The following ECM2 variants were observed in gnomAD, a reference collection of about 807,000 sequenced individuals.
The protein encoded by ECM2 is extracellular matrix protein 2, also known as extracellular matrix protein 2, female organ and adipocyte specific.
ECM2 carries 57 observed loss-of-function variants against 67.5 expected under a neutral mutation model. The ratio of observed to expected loss-of-function variants is 0.84; its 90% CI spans 0.68 to 1.05. ECM2 has a LOEUF of 1.05. ECM2 is among the 50% of genes least tolerant of loss of function. The pLI, the probability that ECM2 is intolerant of heterozygous loss-of-function variation, is 0.00. For missense variants in ECM2, 741 were observed against 822.8 expected (o/e 0.90, Z 1.22); for synonymous variants, 258 against 294.5 (o/e 0.88, Z 1.27).
chr9:92,528,403 G>T (rs545928815), intron 1 of ECM2, among the ~76,000 whole-genome samples: 41 of 152,318 alleles, frequency 2.7e-4, no homozygotes, highest in African/African-American at 9.4e-4. Flanking sequence ...TCCTAGGGCA[G>T]AGTACAGAGA....
chr9:92,502,772 C>T (rs545209741), intron 7 of ECM2, 120 bp from the exon 8 acceptor site: 7 of 787,976 alleles, frequency 8.9e-6, no homozygotes, highest in East Asian at 3.3e-5. Context: ...AGTCTTACTG[C>T]TCTTTCAAGT....
intron 5 of ECM2, among the ~76,000 whole-genome samples, chr9:92,511,728 T>C (rs1226399493): frequency 6.6e-6 from 1 of 152,218 alleles, no homozygotes; most frequent in Non-Finnish European, 1.5e-5. Context: ...GATTTTAGCA[T>C]GTTTTCAGTT....
chr9:92,550,753 T>G, the ECM2 span, among the ~76,000 whole-genome samples: 1 of 152,250 alleles, frequency 6.6e-6, no homozygotes, highest in East Asian at 1.9e-4. Context: ...TATGTTTGAT[T>G]CTCTTATCTT....
chr9:92,530,553 C>T (rs1848683796), intron 1 of ECM2, among the ~76,000 whole-genome samples: 1 of 151,918 alleles, frequency 6.6e-6, no homozygotes. Flanking sequence ...AATAATTTGC[C>T]TTGTTTGTCC....
chr9:92,516,150 G>A (rs1051741788), intron 3 of ECM2, among the ~76,000 whole-genome samples: 23 of 150,276 alleles, frequency 1.5e-4, no homozygotes, highest in African/African-American at 5.4e-4. Context: ...TGCACCCTCC[G>A]CCTCCCGGGT....
At chr9:92,501,343 C>T (rs1485501853) in intron 8 of ECM2, among the ~76,000 whole-genome samples, 1 of 152,110 alleles carries the variant, frequency 6.6e-6, no homozygotes, top group Admixed American at 6.5e-5. Flanking sequence ...TACTGAGGCC[C>T]AAAGACTAAA....
At chr9:92,550,380 A>G in the ECM2 span, among the ~76,000 whole-genome samples, 1 of 137,832 alleles carries the variant, frequency 7.3e-6, no homozygotes, top group Non-Finnish European at 1.5e-5. Context: ...TGGGTGACAG[A>G]GTGAGACTCT....
chr9:92,512,135 C>CA lies in ECM2; in HGVS notation c.1055-10dup. On this transcript the variant is annotated splice_polypyrimidine_tract_variant and intron_variant, in intron 4 of 9. Transcript: ENST00000344604. ...GGAGGCGATGGAATTGCCTAGGACACACAGCGGTTATGTTTTAGGCATGTG... is the reference window on the plus strand; with the variant it reads ...GGAGGCGATGGAATTGCCTAGGACACAACAGCGGTTATGTTTTAGGCATGTG... The CA allele has an allele frequency of 6.2e-7, 1 of 1,603,642 alleles. No individual in the cohort carries two copies. Among genetic ancestry groups the CA allele is most frequent in the Non-Finnish European group, 8.5e-7 (1 of 1,171,060 alleles).
At chr9:92,547,031 C>A in the ECM2 span, among the ~76,000 whole-genome samples, 1 of 151,930 alleles carries the variant, frequency 6.6e-6, no homozygotes. Context: ...TTTTAAAATA[C>A]GTATATATTA....
Position 92,505,573 on chromosome 9 carries a change from T to C in ECM2, c.1424A>G (p.Lys475Arg). The C allele has an allele frequency of 6.2e-7, 1 of 1,607,728 alleles. No homozygotes were observed. Among genetic ancestry groups the C allele is most frequent in the Non-Finnish European group, 8.5e-7 (1 of 1,178,546 alleles). Residue 475 changes from lysine (K) to arginine (R), a missense_variant, in exon 7 of 10, where the codon AAA (lysine) becomes AGA (arginine). By Grantham distance (26) the Lys-to-Arg change is conservative (BLOSUM62 2). Coordinates refer to ENST00000344604, the MANE Select transcript of ECM2 (RefSeq NM_001393.4). ...SLAYLRLGKN[K>R]FRIIPQGLPG... ...AAGACCCTGCGGTATAATTCTAAAT[T>C]TATTTTTTCCCAGACGCAAGTAGGC...
chr9:92,531,999 TC>T, intron 1 of ECM2, among the ~76,000 whole-genome samples: 1 of 149,706 alleles, frequency 6.7e-6, no homozygotes, highest in East Asian at 1.9e-4. Flanking sequence ...CTTTTCTTTT[TC>T]TTTTTTTATT....
chr9:92,531,616 A>T (rs982343643), intron 1 of ECM2, among the ~76,000 whole-genome samples: 1 of 152,182 alleles, frequency 6.6e-6, no homozygotes, highest in Non-Finnish European at 1.5e-5. Flanking sequence ...AGATGCCATT[A>T]GTACCTTCCT....
At chr9:92,542,375 T>C in the ECM2 span, among the ~76,000 whole-genome samples, 1 of 152,236 alleles carries the variant, frequency 6.6e-6, no homozygotes, top group African/African-American at 2.4e-5. Flanking sequence ...GTTTACTGTG[T>C]AGATATTTCT....
chr9:92,510,161 G>T, intron 5 of ECM2, 127 bp from the exon 6 acceptor site: 1 of 1,010,160 alleles, frequency 9.9e-7, no homozygotes, highest in Non-Finnish European at 1.4e-6. Context: ...TAATGTCCAG[G>T]CCACACAGCA....
chr9:92,505,446 A>G lies in ECM2; in HGVS notation c.1464+87T>C, dbSNP rs1373462976. Reference sequence around the variant, plus strand: ...AGCATGAAACTAGAGTTTAATTTACATCACAATAGTCTTAAAATATATTTT... The same window carrying G: ...AGCATGAAACTAGAGTTTAATTTACGTCACAATAGTCTTAAAATATATTTT... On this transcript the variant is annotated intron_variant, in intron 7 of 9. Coordinates refer to ENST00000344604, the MANE Select transcript of ECM2 (RefSeq NM_001393.4). 2.5e-6 allele frequency: 3 copies of G among 1,186,098 alleles called. No homozygotes were observed. In the Admixed American group the frequency reaches 7.7e-5, roughly 31 times the overall value. 73.5% of individuals were successfully genotyped at this position (1,186,098 alleles called of 1,614,324 possible). A position where few individuals can be genotyped will look rare whatever the true frequency, so the allele number is the denominator to read the frequency against.
At position 92,533,319 on chromosome 9, in the gene ECM2, AAAAAAAAAAATAT is replaced by A. The variant is rs1172382508; in HGVS notation, c.-28+2601_-28+2613del. Among the ~76,000 whole-genome samples the A allele has an allele frequency of 8.7e-3, 897 of 103,300 alleles. 5 individuals carry two copies. The highest frequency in any genetic ancestry group is 0.014 in the Non-Finnish European group (730 of 53,294). The allele number at this position is 103,300 out of a possible 152,430, so 67.8% of individuals were successfully genotyped here. ...GGTCTCAAACAAAAAAAAAAAAAAAAAAAAAAAAAATATATATATATATATATATATATATATA... is the reference window on the plus strand; with the variant it reads ...GGTCTCAAACAAAAAAAAAAAAAAAAATATATATATATATATATATATATA... On this transcript the variant is annotated intron_variant, in intron 1 of 9. Transcript: ENST00000344604.
At chr9:92,497,492 C>T (rs920400340) in intron 9 of ECM2, among the ~76,000 whole-genome samples, 4 of 151,532 alleles carry the variant, frequency 2.6e-5, no homozygotes, top group Admixed American at 6.6e-5. Context: ...GGCATGGTGG[C>T]GTATCCTTGT....
At position 92,520,694 on chromosome 9, in the gene ECM2, G is replaced by A. The variant is rs150220390; in HGVS notation, c.292+1881C>T. Among the ~76,000 whole-genome samples, 24 of 152,188 alleles carry A rather than the reference G, an allele frequency of 1.6e-4. No individual in the cohort carries two copies. In the East Asian group the frequency reaches 4.2e-3, roughly 27 times the overall value. On this transcript the variant is annotated intron_variant, in intron 2 of 9. Transcript: ENST00000344604. The stretch of plus-strand genomic sequence containing the variant: ...GTGTTATTCATGATAGCCAAAAGGT[G>A]GAAACAGCCCAGATGTTCATCAACT...
At chr9:92,523,354 C>G (rs577268768) in intron 1 of ECM2, among the ~76,000 whole-genome samples, 22 of 152,326 alleles carry the variant, frequency 1.4e-4, no homozygotes, top group African/African-American at 4.8e-4. Flanking sequence ...CCTTCTCTGT[C>G]ATACCTATTC....
Sources: gnomAD v4.1 joint callset for allele counts (sites outside exome capture counted in the v4.1 genomes callset) on GRCh38, gnomAD v4.1.1 for gene constraint, MANE v1.5 for transcripts, NCBI Gene and HGNC (gene_info 2026-07-23, HGNC 2026-07-21) for gene names.